The following BRWD1 variants were observed in gnomAD, a reference collection of about 807,000 sequenced individuals.
BRWD1 encodes bromodomain and WD repeat-containing protein 1.
A neutral mutation model predicts 251.2 loss-of-function variants in BRWD1; 82 were observed. That is an observed-to-expected ratio of 0.33 (90% CI 0.27 to 0.39). The LOEUF (loss-of-function observed/expected upper bound fraction) is 0.39. BRWD1 is among the 10% of genes least tolerant of loss of function. The pLI is 1.00. For synonymous variants in BRWD1, 918 were observed against 902.8 expected (o/e 1.02, Z -0.30); for missense variants, 2,233 against 2,711.6 (o/e 0.82, Z 3.92).
At chr21:39,313,990 C>T (rs937150789), upstream of BRWD1, 1 of 423,692 alleles carries the variant, frequency 2.4e-6, no homozygotes, top group African/African-American at 2.1e-5. Context: ...TCACCGCCGC[C>T]CCCCGTGGGA....
At chr21:39,286,537 CAG>C (rs34345204) in intron 8 of BRWD1, among the ~76,000 whole-genome samples, 46,184 of 149,808 alleles carry the variant, frequency 0.31, 7,509 homozygotes, top group Non-Finnish European at 0.36. Context: ...TTTTTTGAGA[CAG>C]AGTCTCACAC....
Position 39,197,273 on chromosome 21 carries a change from T to C in BRWD1, c.5796A>G (p.Ala1932=). Residue 1932 remains alanine, a synonymous_variant, in exon 41 of 41, where the codon GCA becomes GCG. Coordinates refer to ENST00000342449, the MANE Select transcript of BRWD1 (RefSeq NM_033656.4). ...TGLLRITRRC[A]ATAANKIKLM... Reference sequence around the variant, plus strand: ...GCTTGATCTTATTGGCAGCCGTAGCTGCACATCTTCGAGTAATCCTCAGGA... The same window carrying C: ...GCTTGATCTTATTGGCAGCCGTAGCCGCACATCTTCGAGTAATCCTCAGGA... 2 of 1,614,144 alleles carry C rather than the reference T, an allele frequency of 1.2e-6. No individual in the cohort carries two copies. Among genetic ancestry groups the C allele is most frequent in the South Asian group, 2.2e-5 (2 of 91,082 alleles).
chr21:39,307,957 T>C (rs1033355240), intron 4 of BRWD1, among the ~76,000 whole-genome samples: 9 of 152,182 alleles, frequency 5.9e-5, no homozygotes, highest in African/African-American at 2.2e-4. Flanking sequence ...GTGTGATTGA[T>C]GAGCTACAGT....
chr21:39,240,748 G>A (rs115271238), intron 21 of BRWD1, among the ~76,000 whole-genome samples: 2,059 of 152,098 alleles, frequency 0.014, 52 homozygotes, highest in African/African-American at 0.047. Flanking sequence ...GTCAAGTGTG[G>A]GACTATCTGT....
chr21:39,259,511 G>A (rs776402188), intron 17 of BRWD1, among the ~76,000 whole-genome samples: 4 of 152,104 alleles, frequency 2.6e-5, no homozygotes, highest in Non-Finnish European at 5.9e-5. Flanking sequence ...TGTTAGCCAG[G>A]ATGGTCTCAA....
At chr21:39,297,704 G>A (rs940796701) in intron 5 of BRWD1, 7 of 289,690 alleles carry the variant, frequency 2.4e-5, no homozygotes, top group African/African-American at 1.6e-4. Context: ...GCTTTATACT[G>A]GTGGTGCAGC....
chr21:39,296,425 A>T (rs2035964000), intron 5 of BRWD1, 62 bp from the exon 6 acceptor site: 1 of 1,476,972 alleles, frequency 6.8e-7, no homozygotes, highest in Non-Finnish European at 9.0e-7. Context: ...AAGATTTTAT[A>T]GAATACTTAC....
intron 38 of BRWD1, among the ~76,000 whole-genome samples, chr21:39,200,965 C>G (rs2032079268): frequency 1.3e-5 from 2 of 152,274 alleles, no homozygotes; most frequent in South Asian, 4.2e-4. Flanking sequence ...GCCTGGGCGA[C>G]AGAAAGAGAC....
intron 8 of BRWD1, among the ~76,000 whole-genome samples, chr21:39,286,959 A>T (rs2035661226): frequency 6.6e-6 from 1 of 152,188 alleles, no homozygotes; most frequent in African/African-American, 2.4e-5. Context: ...ACTGGTCATC[A>T]AGATTCACCA....
chr21:39,304,141 CAAAAAAAAAAAAA>C (rs56990201), intron 4 of BRWD1, among the ~76,000 whole-genome samples: 1 of 118,390 alleles, frequency 8.4e-6, no homozygotes, highest in African/African-American at 3.3e-5. Context: ...AACTCTTTCT[CAAAAAAAAAAAAA>C]AAAAAAAAGA....
At chr21:39,296,670 T>C (rs1345525067) in intron 5 of BRWD1, 4 of 886,484 alleles carry the variant, frequency 4.5e-6, no homozygotes, top group Non-Finnish European at 5.5e-6. Context: ...TTTGCCAATT[T>C]ACAAGTGAGG....
intron 39 of BRWD1, among the ~76,000 whole-genome samples, 187 bp downstream of exon 39, chr21:39,200,032 C>T (rs529282804): frequency 2.0e-5 from 3 of 152,308 alleles, no homozygotes; most frequent in Admixed American, 1.3e-4. Flanking sequence ...GGATTATAGG[C>T]GTGAGCCACC....
intron 34 of BRWD1, among the ~76,000 whole-genome samples, chr21:39,211,921 A>C (rs2032677185): frequency 1.3e-5 from 2 of 152,132 alleles, no homozygotes; most frequent in Non-Finnish European, 1.5e-5. Flanking sequence ...AATAACCTTT[A>C]ATTTTAATTA....
At chr21:39,230,465 A>G (rs956590357) in intron 25 of BRWD1, among the ~76,000 whole-genome samples, 6 of 152,248 alleles carry the variant, frequency 3.9e-5, no homozygotes, top group African/African-American at 1.4e-4. Context: ...TCAGTGCTAT[A>G]GAGAATATAT....
intron 21 of BRWD1, among the ~76,000 whole-genome samples, chr21:39,244,921 A>AATATAAATATATATATAT (rs2034126604): frequency 8.9e-6 from 1 of 112,524 alleles, no homozygotes; most frequent in Non-Finnish European, 1.9e-5. Flanking sequence ...CTTTGGAAGA[A>AATATAAATATATATATAT]ATATATATAT....
In BRWD1 at chr21:39,313,597, G is replaced by A; in HGVS notation, c.-106C>T. 1 of 838,242 alleles carries A rather than the reference G, an allele frequency of 1.2e-6. No individual in the cohort carries two copies. Among genetic ancestry groups the A allele is most frequent in the South Asian group, 4.3e-5 (1 of 23,004 alleles). The allele number at this position is 838,242 out of a possible 1,614,324, so 51.9% of individuals were successfully genotyped here. A position where few individuals can be genotyped will look rare whatever the true frequency, so the allele number is the denominator to read the frequency against. ...CCCCTCTTCTCAGGCGCGCGCCGCCGCCGCCGCCGCCGCCGCCATACCGTG... is the reference window on the plus strand; with the variant it reads ...CCCCTCTTCTCAGGCGCGCGCCGCCACCGCCGCCGCCGCCGCCATACCGTG... On this transcript the variant is annotated 5_prime_UTR_variant, in exon 1 of 41. Coordinates refer to ENST00000342449, the MANE Select transcript of BRWD1 (RefSeq NM_033656.4).
At chr21:39,233,587 GT>G (rs1425340511) in intron 23 of BRWD1, among the ~76,000 whole-genome samples, 1 of 152,166 alleles carries the variant, frequency 6.6e-6, no homozygotes, top group African/African-American at 2.4e-5. Context: ...TCTACTACTA[GT>G]GTTGAAATTG....
In BRWD1 at chr21:39,193,759, C is replaced by T. The variant is rs1226343429; in HGVS notation, c.*2500G>A. ...CCCTAAACATTAAAGTACACCTGTGCATTAAATCCCTGGGCATTTTGCATA... is the reference window on the plus strand; with the variant it reads ...CCCTAAACATTAAAGTACACCTGTGTATTAAATCCCTGGGCATTTTGCATA... On this transcript the variant is annotated 3_prime_UTR_variant, in exon 41 of 41. Coordinates refer to ENST00000342449, the MANE Select transcript of BRWD1 (RefSeq NM_033656.4). 1 of 985,374 alleles carries T rather than the reference C, an allele frequency of 1.0e-6. No homozygotes were observed. Among genetic ancestry groups the T allele is most frequent in the Non-Finnish European group, 1.2e-6 (1 of 829,698 alleles). 61.0% of individuals were successfully genotyped at this position (985,374 alleles called of 1,614,324 possible).
chr21:39,256,111 A>G (rs2034555289), intron 18 of BRWD1, among the ~76,000 whole-genome samples: 1 of 152,230 alleles, frequency 6.6e-6, no homozygotes, highest in Non-Finnish European at 1.5e-5. Flanking sequence ...GAGCCACTGC[A>G]CCCAGCCTGA....
Sources: gnomAD v4.1 joint callset for allele counts (sites outside exome capture counted in the v4.1 genomes callset) on GRCh38, gnomAD v4.1.1 for gene constraint, MANE v1.5 for transcripts, NCBI Gene and HGNC (gene_info 2026-07-23, HGNC 2026-07-21) for gene names.